The following CPLX2 variants were observed in gnomAD, a reference collection of about 807,000 sequenced individuals.
The protein encoded by CPLX2 is complexin-2.
CPLX2 carries 5 observed loss-of-function variants against 16.3 expected under a neutral mutation model. That is an observed-to-expected ratio of 0.31 (90% CI 0.16 to 0.64). The LOEUF is 0.64. Ranked by LOEUF, CPLX2 falls within the 30% of genes least tolerant of loss-of-function variation. The pLI is 0.79. For missense variants in CPLX2, 144 were observed against 181.4 expected, an observed-to-expected ratio of 0.79 and a Z score of 1.18; for synonymous variants, 89 against 73.2, an observed-to-expected ratio of 1.22 and a Z score of -1.10.
chr5:175,868,876 AC>A (rs1381395218), upstream of CPLX2, among the ~76,000 whole-genome samples: 1 of 152,118 alleles, frequency 6.6e-6, no homozygotes, highest in Non-Finnish European at 1.5e-5. Flanking sequence ...CTGGTCTGGA[AC>A]CCTGGCTCTG....
At chr5:175,843,449 A>G (rs1758983836) in intron 2 of CPLX2, among the ~76,000 whole-genome samples, 2 of 152,238 alleles carry the variant, frequency 1.3e-5, no homozygotes, top group African/African-American at 4.8e-5. Context: ...ACATGTGTGC[A>G]TGCTTACTAT....
chr5:175,851,765 A>G (rs182323124), intron 2 of CPLX2, among the ~76,000 whole-genome samples: 15 of 152,318 alleles, frequency 9.8e-5, no homozygotes, highest in African/African-American at 3.1e-4. Flanking sequence ...GCTGGAATCA[A>G]CGCCGGGGCT....
At chr5:175,801,211 GAGA>G (rs1758091735) in intron 1 of CPLX2, among the ~76,000 whole-genome samples, 1 of 151,894 alleles carries the variant, frequency 6.6e-6, no homozygotes, top group South Asian at 2.1e-4. Context: ...TTGCTGTGTG[GAGA>G]GTGGATGATA....
chr5:175,867,874 G>T (rs1308160398), upstream of CPLX2, among the ~76,000 whole-genome samples: 1 of 152,170 alleles, frequency 6.6e-6, no homozygotes, highest in African/African-American at 2.4e-5. Flanking sequence ...GTTAAAGGAG[G>T]TACACTGGGA....
chr5:175,827,654 G>A (rs1038761708), intron 2 of CPLX2, among the ~76,000 whole-genome samples: 17 of 152,174 alleles, frequency 1.1e-4, no homozygotes, highest in Non-Finnish European at 2.4e-4. Flanking sequence ...CAGCTACTCC[G>A]GAGGCTGAGG....
chr5:175,878,437 C>T, intron 1 of CPLX2: 1 of 518,862 alleles, frequency 1.9e-6, no homozygotes. Flanking sequence ...AAATAGGGAC[C>T]AAACCGCTTT....
rs184589664 is a variant in CPLX2, at chr5:175,836,304, C to T, written c.-89+27236C>T. ...GGCGGAGCTTGCAGTGAGCCGAGAT[C>T]GTGCCACTGCACTCCAGCCTGGGCG... On this transcript the variant is annotated intron_variant, in intron 2 of 4. Transcript: ENST00000359546. Among the ~76,000 whole-genome samples the T allele has an allele frequency of 3.3e-3, 502 of 152,134 alleles. 1 individual carries two copies. Among genetic ancestry groups the T allele is most frequent in the African/African-American group, 0.012 (481 of 41,532 alleles).
intron 2 of CPLX2, among the ~76,000 whole-genome samples, chr5:175,818,781 C>G (rs1474047410): frequency 6.7e-6 from 1 of 150,148 alleles, no homozygotes; most frequent in Non-Finnish European, 1.5e-5. Flanking sequence ...CCTGCCTCAG[C>G]CTCCCAAGTA....
intron 2 of CPLX2, among the ~76,000 whole-genome samples, chr5:175,850,658 T>C (rs1395670309): frequency 6.6e-6 from 1 of 152,182 alleles, no homozygotes; most frequent in Admixed American, 6.5e-5. Flanking sequence ...GGGAAGTCTG[T>C]CTGATTCCAT....
At position 175,878,674 on chromosome 5, in the gene CPLX2, G is replaced by C. The variant is rs1755473268; in HGVS notation, c.-66G>C. 1 of 1,585,460 alleles carries C rather than the reference G, an allele frequency of 6.3e-7. No individual in the cohort carries two copies. The highest frequency in any genetic ancestry group is 8.6e-7 in the Non-Finnish European group (1 of 1,163,630). On this transcript the variant is annotated 5_prime_UTR_variant, in exon 2 of 4. Coordinates refer to ENST00000393745, the MANE Select transcript of CPLX2 (RefSeq NM_001008220.2). ...CAGGTTGTCACATCTTCCCAAGCCA[G>C]GCCAGCCAGGAGCGCTGCATGCAAA...
At chr5:175,867,951 G>A (rs145592517), upstream of CPLX2, among the ~76,000 whole-genome samples, 1 of 152,332 alleles carries the variant, frequency 6.6e-6, no homozygotes, top group East Asian at 1.9e-4. Context: ...GATGAGCAAG[G>A]TGGCCTAGAG....
chr5:175,852,508 T>TGTGCCAGGCACC (rs1217486340), intron 2 of CPLX2, among the ~76,000 whole-genome samples: 2 of 152,262 alleles, frequency 1.3e-5, no homozygotes, highest in Non-Finnish European at 2.9e-5. Flanking sequence ...TCTTGCTTTC[T>TGTGCCAGGCACC]GTGCCAGGCA....
chr5:175,803,085 A>T (rs1175190733), intron 1 of CPLX2, among the ~76,000 whole-genome samples: 1 of 152,048 alleles, frequency 6.6e-6, no homozygotes, highest in Non-Finnish European at 1.5e-5. Context: ...GTTTGCTGGG[A>T]TCCGAAGTGC....
chr5:175,860,051 C>A (rs1362699860), intron 2 of CPLX2, among the ~76,000 whole-genome samples: 1 of 152,246 alleles, frequency 6.6e-6, no homozygotes, highest in Admixed American at 6.5e-5. Context: ...CACACACTGT[C>A]ATCAGGAATT....
At chr5:175,861,455 C>G (rs1759369925) in intron 2 of CPLX2, among the ~76,000 whole-genome samples, 1 of 152,068 alleles carries the variant, frequency 6.6e-6, no homozygotes. Flanking sequence ...GGTTTGGACC[C>G]GATGCTGCAG....
chr5:175,876,591 TG>T, intron 1 of CPLX2, among the ~76,000 whole-genome samples: 1 of 152,062 alleles, frequency 6.6e-6, no homozygotes, highest in African/African-American at 2.4e-5. Flanking sequence ...AACAGAGGCA[TG>T]GGAGAAAGGG....
intron 1 of CPLX2, among the ~76,000 whole-genome samples, chr5:175,800,499 A>C (rs1758072704): frequency 6.6e-6 from 1 of 150,554 alleles, no homozygotes; most frequent in South Asian, 2.1e-4. Context: ...AAAAAAAAAA[A>C]CAAGTGCCTT....
At chr5:175,848,021 C>T (rs530875653) in intron 2 of CPLX2, among the ~76,000 whole-genome samples, 60 of 152,364 alleles carry the variant, frequency 3.9e-4, no homozygotes, top group African/African-American at 1.4e-3. Context: ...TTGCTTTGTG[C>T]CAGGCCCTGG....
chr5:175,871,277 A>C (rs1449096187), upstream of CPLX2, among the ~76,000 whole-genome samples: 1 of 139,244 alleles, frequency 7.2e-6, no homozygotes, highest in Non-Finnish European at 1.6e-5. Context: ...GGAGGAGAAC[A>C]GTGTAAGGTG....
Sources: gnomAD v4.1 joint callset for allele counts (sites outside exome capture counted in the v4.1 genomes callset) on GRCh38, gnomAD v4.1.1 for gene constraint, MANE v1.5 for transcripts, NCBI Gene and HGNC (gene_info 2026-07-23, HGNC 2026-07-21) for gene names.